CMSS1: variants seen among roughly 807,000 people sequenced by gnomAD.
CMSS1 encodes the protein protein CMSS1.
Under a neutral mutation model 43.5 loss-of-function variants are expected in CMSS1, and 33 were observed. The observed-to-expected ratio is 0.76, with a 90% CI of 0.57 to 1.01. The LOEUF (loss-of-function observed/expected upper bound fraction) is 1.01, where lower values mean the gene tolerates loss of function less well. Among genes scored for constraint, CMSS1 ranks in the 50% least tolerant of loss-of-function variants. The pLI is 0.00. For synonymous variants in CMSS1, 115 were observed against 117.2 expected (o/e 0.98, Z 0.12); for missense variants, 313 against 326.4 (o/e 0.96, Z 0.32).
chr3:100,124,455 A>G (rs1430971967), intron 1 of CMSS1, among the ~76,000 whole-genome samples: 2 of 152,182 alleles, frequency 1.3e-5, no homozygotes, highest in African/African-American at 2.4e-5. Context: ...AGGGGCAGAA[A>G]TGAGAATGAT....
chr3:99,819,978 C>T (rs1481794490), intron 1 of CMSS1, among the ~76,000 whole-genome samples: 5 of 151,650 alleles, frequency 3.3e-5, no homozygotes, highest in Non-Finnish European at 5.9e-5. Context: ...TGGTCTTGAT[C>T]TCTTGACCTC....
chr3:99,909,844 TG>T (rs1450522724), intron 1 of CMSS1, among the ~76,000 whole-genome samples: 1 of 152,234 alleles, frequency 6.6e-6, no homozygotes, highest in African/African-American at 2.4e-5. Flanking sequence ...GAGTAGGTGA[TG>T]AAAGTCACAG....
intron 1 of CMSS1, among the ~76,000 whole-genome samples, chr3:100,059,683 C>G (rs2065526712): frequency 6.6e-6 from 1 of 152,268 alleles, no homozygotes; most frequent in Admixed American, 6.5e-5. Context: ...AAGGACCCAT[C>G]ATGCCTGAAG....
chr3:99,835,576 G>A (rs1942864176), intron 1 of CMSS1, among the ~76,000 whole-genome samples: 1 of 152,194 alleles, frequency 6.6e-6, no homozygotes, highest in Admixed American at 6.5e-5. Flanking sequence ...CTGTTAGGAT[G>A]CAGAATCCCT....
intron 2 of CMSS1, among the ~76,000 whole-genome samples, chr3:100,147,888 T>C (rs939284012): frequency 1.3e-5 from 2 of 152,218 alleles, no homozygotes; most frequent in Non-Finnish European, 2.9e-5. Context: ...TTGTGACCTT[T>C]TATTGCCTTT....
At chr3:100,147,150 C>T (rs992324651) in intron 2 of CMSS1, 89 bp downstream of exon 2, 23 of 1,384,534 alleles carry the variant, frequency 1.7e-5, no homozygotes, top group South Asian at 4.6e-5. Flanking sequence ...GTCCTAATAT[C>T]GGTTGTTGGT....
chr3:99,981,134 A>G (rs908042199), intron 1 of CMSS1, among the ~76,000 whole-genome samples: 22 of 152,160 alleles, frequency 1.4e-4, no homozygotes, highest in African/African-American at 5.3e-4. Flanking sequence ...GCATTGTGCC[A>G]CTGAGCCTCA....
intron 1 of CMSS1, among the ~76,000 whole-genome samples, chr3:100,125,570 C>T (rs2066656075): frequency 6.6e-6 from 1 of 152,118 alleles, no homozygotes; most frequent in Non-Finnish European, 1.5e-5. Context: ...AATCGCTGAC[C>T]TCAGATAATT....
chr3:100,054,508 TTA>T (rs1491221950), intron 1 of CMSS1, among the ~76,000 whole-genome samples: 2 of 150,382 alleles, frequency 1.3e-5, no homozygotes, highest in Non-Finnish European at 3.0e-5. Context: ...TTATGTTATG[TTA>T]TGTTATGTTA....
At chr3:100,060,951 G>A (rs1327219437) in intron 1 of CMSS1, among the ~76,000 whole-genome samples, 2 of 152,166 alleles carry the variant, frequency 1.3e-5, no homozygotes, top group African/African-American at 4.8e-5. Flanking sequence ...GGAAGTGCAA[G>A]TTGCAGAACC....
At chr3:100,135,443 T>TGTGTGTGC (rs2066744800) in intron 1 of CMSS1, among the ~76,000 whole-genome samples, 2 of 51,136 alleles carry the variant, frequency 3.9e-5, no homozygotes, top group African/African-American at 8.7e-5. Flanking sequence ...TGTGCATGTG[T>TGTGTGTGC]GTGTGTGTGT....
At chr3:99,991,894 G>T (rs1709526078) in intron 1 of CMSS1, among the ~76,000 whole-genome samples, 1 of 148,416 alleles carries the variant, frequency 6.7e-6, no homozygotes, top group South Asian at 2.1e-4. Context: ...GTATATATGT[G>T]TGTATATATA....
chr3:99,874,280 G>A (rs894371891), intron 1 of CMSS1: 5 of 152,156 alleles, frequency 3.3e-5, no homozygotes, highest in African/African-American at 1.2e-4. Flanking sequence ...ATGGTACTCT[G>A]GGTATACCTG....
intron 1 of CMSS1, among the ~76,000 whole-genome samples, chr3:100,061,902 T>G (rs549459331): frequency 2.7e-4 from 41 of 152,238 alleles, no homozygotes; most frequent in African/African-American, 9.9e-4. Flanking sequence ...ACAAAATCTG[T>G]CATTTTAACT....
rs562336215 is a variant in CMSS1 at position 99,983,564 on chromosome 3, C to T, written c.65-163409C>T. Among the ~76,000 whole-genome samples the T allele has an allele frequency of 2.9e-5, 4 of 139,570 alleles. No homozygotes were observed. In the East Asian group the frequency reaches 8.0e-4, roughly 28 times the overall value. 91.6% of individuals were successfully genotyped at this position (139,570 alleles called of 152,430 possible). A position where few individuals can be genotyped will look rare whatever the true frequency, so the allele number is the denominator to read the frequency against. On this transcript the variant is annotated intron_variant, in intron 1 of 9. Transcript: ENST00000421999. ...AATTAGCCAGGTGTGGTGGCAGGTA[C>T]CTGTAATCCCAGCTACTTGGGAGGT... is the stretch of plus-strand genomic sequence containing the variant.
intron 1 of CMSS1, chr3:99,930,070 A>C: frequency 6.6e-7 from 1 of 1,515,898 alleles, no homozygotes. Flanking sequence ...TGCTGTCTCT[A>C]CCAGCAGTCT....
At chr3:99,912,124 A>T (rs1180848525) in intron 1 of CMSS1, among the ~76,000 whole-genome samples, 1 of 152,214 alleles carries the variant, frequency 6.6e-6, no homozygotes, top group African/African-American at 2.4e-5. Flanking sequence ...CAATCAAGTT[A>T]TACATCCATA....
chr3:100,141,706 G>A, intron 1 of CMSS1: 4 of 385,512 alleles, frequency 1.0e-5, no homozygotes, highest in South Asian at 8.2e-5. Flanking sequence ...GGTTGAAAAA[G>A]GACAGTGTAC....
chr3:100,094,449 T>C (rs62285475), intron 1 of CMSS1, among the ~76,000 whole-genome samples: 7,166 of 152,246 alleles, frequency 0.047, 266 homozygotes, highest in Non-Finnish European at 0.066. Flanking sequence ...GTGTAACTTA[T>C]CAATTTTTTT....
Sources: allele counts gnomAD v4.1 joint callset (sites outside exome capture counted in the v4.1 genomes callset), GRCh38; gene constraint gnomAD v4.1.1; transcripts MANE v1.5; gene names NCBI Gene and HGNC (gene_info 2026-07-23, HGNC 2026-07-21).